PTCH1: variants seen among roughly 807,000 people sequenced by gnomAD.
PTCH1 encodes the protein protein patched homolog 1.
In PTCH1, 14 loss-of-function variants were observed where a neutral mutation model predicts 144.6. The observed-to-expected ratio is 0.10, with a 90% CI of 0.06 to 0.15. PTCH1 has a LOEUF of 0.15. Ranked by LOEUF, PTCH1 falls within the 10% of genes least tolerant of loss-of-function variation. The pLI, the probability that PTCH1 is intolerant of heterozygous loss-of-function variation, is 1.00. For synonymous variants in PTCH1, 833 were observed against 793.6 expected (o/e 1.05, Z -0.83); for missense variants, 1,623 against 1,948.3 (o/e 0.83, Z 3.14).
chr9:95,514,647 T>TGTGTGTGTGTGTGTGTGAGA (rs56689083), intron 1 of PTCH1: 2 of 148,802 alleles, frequency 1.3e-5, no homozygotes, highest in African/African-American at 5.0e-5. Flanking sequence ...TGTGTGTGTG[T>TGTGTGTGTGTGTGTGTGAGA]GAGAGAGAGA....
chr9:95,509,128 G>C lies in PTCH1; in HGVS notation c.-767C>G, dbSNP rs935959610. ...GTGCAGCGCGCCTCTCTCGCTCCCG[G>C]GACCTGGGGACTCCGCTCTGTGTGT... On this transcript the variant is annotated 5_prime_UTR_variant, in exon 1 of 24. Transcript: ENST00000331920. 7.9e-5 allele frequency among the ~76,000 whole-genome samples: 12 copies of C among 152,260 alleles called. No homozygotes were observed. Among genetic ancestry groups the C allele is most frequent in the African/African-American group, 2.9e-4 (12 of 41,566 alleles).
chr9:95,486,339 C>T (rs182077563), intron 2 of PTCH1, among the ~76,000 whole-genome samples: 1 of 152,298 alleles, frequency 6.6e-6, no homozygotes, highest in African/African-American at 2.4e-5. Flanking sequence ...GAAAAAGAAA[C>T]AAGGAAAGGT....
At chr9:95,463,691 C>T (rs1839749680) in intron 15 of PTCH1, among the ~76,000 whole-genome samples, 1 of 152,126 alleles carries the variant, frequency 6.6e-6, no homozygotes, top group African/African-American at 2.4e-5. Flanking sequence ...TGGCGCTGGG[C>T]ATCCCACGGC....
In PTCH1 at chr9:95,481,793, CCT is replaced by C. The variant is rs55895043; in HGVS notation, c.746+154_746+155del. ...GAGAAAAAACATTCTGCTGAAATCCCCTCTCCCCCGACTATTCACTCAAAAAA... is the reference window on the plus strand; with the variant it reads ...GAGAAAAAACATTCTGCTGAAATCCCCTCCCCCGACTATTCACTCAAAAAA... On this transcript the variant is annotated intron_variant, in intron 5 of 23. Transcript: ENST00000331920. 131 of 719,278 alleles carry C rather than the reference CCT, an allele frequency of 1.8e-4. No homozygotes were observed. In the East Asian group the frequency reaches 3.3e-3, roughly 18 times the overall value. 44.6% of individuals were successfully genotyped at this position (719,278 alleles called of 1,614,324 possible). A position where few individuals can be genotyped will look rare whatever the true frequency, so the allele number is the denominator to read the frequency against.
chr9:95,453,408 G>T (rs754067871), intron 20 of PTCH1, 70 bp downstream of exon 20: 1 of 1,604,568 alleles, frequency 6.2e-7, no homozygotes, highest in African/African-American at 1.3e-5. Context: ...GGGATTACAG[G>T]CGTGAGCCAC....
At chr9:95,460,588 G>C (rs142978977) in intron 16 of PTCH1, among the ~76,000 whole-genome samples, 1,706 of 152,326 alleles carry the variant, frequency 0.011, 19 homozygotes, top group Non-Finnish European at 0.017. Context: ...TAGAGAAGGA[G>C]TGAAGGAAGA....
At chr9:95,461,094 G>T (rs1564023343) in intron 16 of PTCH1, among the ~76,000 whole-genome samples, 1 of 152,128 alleles carries the variant, frequency 6.6e-6, no homozygotes, top group African/African-American at 2.4e-5. Flanking sequence ...AAGAGGCTCC[G>T]AGGAAGCTGA....
Position 95,490,462 on chromosome 9 carries a change from T to C in PTCH1, c.395-4588A>G, listed in dbSNP as rs145756286. ...TGTCACTGCACTCCAGCCTGGGCAA[T>C]AGAATGAGACCCCACTTCAAAACAA... On this transcript the variant is annotated intron_variant, in intron 2 of 23. Transcript: ENST00000331920. Among the ~76,000 whole-genome samples, 578 of 149,778 alleles carry C rather than the reference T, an allele frequency of 3.9e-3. 1 individual carries two copies. The highest frequency in any genetic ancestry group is 6.1e-3 in the Non-Finnish European group (416 of 67,668).
At chr9:95,483,504 G>A (rs1841732610) in intron 3 of PTCH1, 1 of 151,736 alleles carries the variant, frequency 6.6e-6, no homozygotes, top group Non-Finnish European at 1.5e-5. Context: ...CTTCACCCAA[G>A]GAGCTTACTG....
At chr9:95,475,532 G>A (rs1292968710) in intron 12 of PTCH1, among the ~76,000 whole-genome samples, 1 of 152,186 alleles carries the variant, frequency 6.6e-6, no homozygotes, top group Non-Finnish European at 1.5e-5. Context: ...GCCAGTTCGC[G>A]GTCCTGCAGT....
intron 2 of PTCH1, chr9:95,494,286 A>G: frequency 1.0e-6 from 1 of 985,476 alleles, no homozygotes; most frequent in Middle Eastern, 5.2e-4. Flanking sequence ...AGATGCAATC[A>G]GGTCAGCCCG....
chr9:95,474,148 G>C (rs768555349), intron 12 of PTCH1: 1 of 454,420 alleles, frequency 2.2e-6, no homozygotes. Context: ...TATGTACTAA[G>C]AGAGGAGAGG....
chr9:95,512,537 C>T (rs1374138522), upstream of PTCH1, among the ~76,000 whole-genome samples: 1 of 152,216 alleles, frequency 6.6e-6, no homozygotes, highest in African/African-American at 2.4e-5. Context: ...CTGAGGCTGC[C>T]CCCAATTTGC....
chr9:95,485,050 A>T (rs1319756725), intron 3 of PTCH1, among the ~76,000 whole-genome samples: 2 of 152,098 alleles, frequency 1.3e-5, no homozygotes, highest in Admixed American at 1.3e-4. Context: ...TACTGAAAAT[A>T]CAAAAATTAG....
At chr9:95,468,499 T>C (rs1335827846) in intron 14 of PTCH1, among the ~76,000 whole-genome samples, 1 of 152,206 alleles carries the variant, frequency 6.6e-6, no homozygotes, top group Non-Finnish European at 1.5e-5. Flanking sequence ...CAAGTGGCAA[T>C]AATCACATTT....
In PTCH1 at chr9:95,481,953, G is replaced by C; in HGVS notation, c.742C>G (p.Leu248Val). Residue 248 changes from leucine to valine, a missense_variant, in exon 5 of 24, where the codon CTC becomes GTC. Leu to Val is a conservative substitution (Grantham distance 32). Coordinates refer to ENST00000331920, the MANE Select transcript of PTCH1 (RefSeq NM_000264.5). ...GAKLQSGTAY[L>V]LGKPPLRWTN... ...AAAGCATGATCACACACTTACAGGA[G>C]GTATGCTGTCCCAGACTGTAATTTC... The C allele has an allele frequency of 6.2e-7, 1 of 1,607,636 alleles. No individual in the cohort carries two copies. Among genetic ancestry groups the C allele is most frequent in the Non-Finnish European group, 8.5e-7 (1 of 1,174,118 alleles).
chr9:95,456,019 C>T (rs1249511425), intron 19 of PTCH1, among the ~76,000 whole-genome samples: 1 of 152,170 alleles, frequency 6.6e-6, no homozygotes, highest in Non-Finnish European at 1.5e-5. Flanking sequence ...CCTTCAAGGC[C>T]CACTCCAACA....
intron 2 of PTCH1, among the ~76,000 whole-genome samples, chr9:95,498,380 C>T (rs1157301726): frequency 6.6e-6 from 1 of 152,146 alleles, no homozygotes; most frequent in Non-Finnish European, 1.5e-5. Context: ...TAAATCTCTC[C>T]AACAACAAAC....
rs1268222902 is a variant in PTCH1, at chr9:95,445,044, C to G, written c.*1349G>C. The stretch of plus-strand genomic sequence containing the variant: ...ACTTAGGAAGCACGTACCCTAAACA[C>G]TGGTGCATGAAGAATCCCCCCGGAG... On this transcript the variant is annotated 3_prime_UTR_variant, in exon 24 of 24. Coordinates refer to ENST00000331920, the MANE Select transcript of PTCH1 (RefSeq NM_000264.5). The G allele has an allele frequency of 6.6e-6, 1 of 152,196 alleles. No homozygotes were observed. The highest frequency in any genetic ancestry group is 2.4e-5 in the African/African-American group (1 of 41,422). The allele number at this position is 152,196 out of a possible 1,614,324, so 9.4% of individuals were successfully genotyped here. A position where few individuals can be genotyped will look rare whatever the true frequency, so the allele number is the denominator to read the frequency against.
Sources: allele counts gnomAD v4.1 joint callset (sites outside exome capture counted in the v4.1 genomes callset), GRCh38; gene constraint gnomAD v4.1.1; transcripts MANE v1.5; gene names NCBI Gene and HGNC (gene_info 2026-07-23, HGNC 2026-07-21).